Variants in HHAT observed in about 807,000 individuals in gnomAD.
HHAT encodes hedgehog acyltransferase, also known as protein-cysteine N-palmitoyltransferase HHAT.
A neutral mutation model predicts 70.8 loss-of-function variants in HHAT; 47 were observed. That is an observed-to-expected ratio of 0.66 (90% CI 0.53 to 0.85). The LOEUF (loss-of-function observed/expected upper bound fraction) is 0.85, where lower values mean the gene tolerates loss of function less well. Ranked by LOEUF, HHAT falls within the 40% of genes least tolerant of loss-of-function variation. HHAT has a pLI of 0.00. For synonymous variants in HHAT, 228 were observed against 247.6 expected (o/e 0.92, Z 0.74); for missense variants, 609 against 604.8 (o/e 1.01, Z -0.07).
Position 210,587,963 on chromosome 1 carries a change from T to C in HHAT, c.1109T>C (p.Met370Thr). 6.2e-7 allele frequency: 1 copy of C among 1,614,126 alleles called. No homozygotes were observed. Among genetic ancestry groups the C allele is most frequent in the Non-Finnish European group, 8.5e-7 (1 of 1,179,990 alleles). Residue 370 changes from methionine to threonine, a missense_variant, in exon 10 of 12, where the codon ATG (methionine) becomes ACG (threonine). Met to Thr is a moderately conservative substitution (Grantham distance 81, BLOSUM62 -1). Coordinates refer to ENST00000261458, the MANE Select transcript of HHAT (RefSeq NM_018194.6). ...CTGGGGACACTGTTTTCCACGGCGA[T>C]GACATTTGCATTTGTGAGCTACTGG... Reference protein sequence around the residue: ...GLLGTLFSTAMTFAFVSYWHG... With the variant: ...GLLGTLFSTATTFAFVSYWHG...
intron 11 of HHAT, among the ~76,000 whole-genome samples, chr1:210,640,078 G>A (rs1004359597): frequency 6.6e-6 from 1 of 152,166 alleles, no homozygotes; most frequent in Non-Finnish European, 1.5e-5. Context: ...TGCCTGGCTA[G>A]TGCTCATTTC....
chr1:210,585,963 G>A (rs754936592), intron 9 of HHAT, among the ~76,000 whole-genome samples: 2 of 152,110 alleles, frequency 1.3e-5, no homozygotes, highest in Non-Finnish European at 2.9e-5. Flanking sequence ...GTTCTAAACT[G>A]ACTTAGCAGG....
intron 7 of HHAT, among the ~76,000 whole-genome samples, chr1:210,456,756 T>A (rs537370615): frequency 8.5e-5 from 13 of 152,212 alleles, no homozygotes; most frequent in Non-Finnish European, 1.5e-4. Flanking sequence ...GAGGTTTAGG[T>A]TGAATTGAAA....
At chr1:210,496,010 C>CAAAAACA (rs2094632954) in intron 8 of HHAT, among the ~76,000 whole-genome samples, 1 of 67,960 alleles carries the variant, frequency 1.5e-5, no homozygotes, top group African/African-American at 6.8e-5. Context: ...AACTCTATCT[C>CAAAAACA]AAAAAAAAAA....
rs775498150 is a variant in HHAT, at chr1:210,396,244, G to A, written c.274-4224G>A. 1.1e-4 allele frequency among the ~76,000 whole-genome samples: 17 copies of A among 152,108 alleles called. No individual in the cohort carries two copies. The South Asian group carries it at 1.7e-3, about 15-fold the overall frequency. ...CTCCTATTAGAAATGGAAGAACCTG[G>A]AATAAAGACCATTGAGTGAGGGTCA... On this transcript the variant is annotated intron_variant, in intron 4 of 11. Transcript: ENST00000261458.
At chr1:210,345,436 T>A (rs1210952809) in intron 1 of HHAT, among the ~76,000 whole-genome samples, 2 of 152,264 alleles carry the variant, frequency 1.3e-5, no homozygotes, top group African/African-American at 4.8e-5. Context: ...GTGCTCCTTA[T>A]AATTTTTGCT....
At chr1:210,387,149 G>A (rs1342165644) in intron 3 of HHAT, among the ~76,000 whole-genome samples, 2 of 152,088 alleles carry the variant, frequency 1.3e-5, no homozygotes, top group African/African-American at 2.4e-5. Context: ...AATAATAATA[G>A]CATCTATACT....
intron 3 of HHAT, among the ~76,000 whole-genome samples, chr1:210,365,309 G>GTTTT (rs4027290): frequency 0.25 from 19,726 of 77,922 alleles, 4,753 homozygotes; most frequent in Admixed American, 0.32. Flanking sequence ...ACTGCTGACA[G>GTTTT]TTTTTTTTTT....
intron 1 of HHAT, among the ~76,000 whole-genome samples, chr1:210,334,221 C>G (rs1257356264): frequency 2.0e-5 from 2 of 100,540 alleles, no homozygotes; most frequent in Admixed American, 2.7e-4. Flanking sequence ...TCCTGTGTTT[C>G]CCAGGCTGGA....
intron 9 of HHAT, among the ~76,000 whole-genome samples, chr1:210,543,989 G>C (rs4845047): frequency 0.07 from 10,652 of 152,254 alleles, 696 homozygotes; most frequent in East Asian, 0.3. Context: ...TGACTTTTCT[G>C]TTCTCTGCCC....
intron 11 of HHAT, among the ~76,000 whole-genome samples, chr1:210,660,180 G>A (rs534880986): frequency 1.1e-4 from 16 of 152,272 alleles, no homozygotes; most frequent in Admixed American, 8.5e-4. Flanking sequence ...TGTCTCAGCC[G>A]AAAATCTCCT....
At chr1:210,423,758 G>C (rs1236529490) in intron 7 of HHAT, among the ~76,000 whole-genome samples, 4 of 152,042 alleles carry the variant, frequency 2.6e-5, no homozygotes. Flanking sequence ...TCTGCATATG[G>C]GTATCCAGTT....
chr1:210,435,022 CAATT>C (rs975141911), intron 7 of HHAT, among the ~76,000 whole-genome samples: 2 of 151,812 alleles, frequency 1.3e-5, no homozygotes, highest in African/African-American at 4.9e-5. Flanking sequence ...AACATACAAT[CAATT>C]AATGTTAACT....
At chr1:210,479,406 C>G (rs1021030746) in intron 8 of HHAT, among the ~76,000 whole-genome samples, 1 of 152,200 alleles carries the variant, frequency 6.6e-6, no homozygotes. Flanking sequence ...ATGACCATCA[C>G]TGAGTCTCCA....
chr1:210,533,796 G>GCC (rs1322807503), intron 9 of HHAT, among the ~76,000 whole-genome samples: 1 of 152,038 alleles, frequency 6.6e-6, no homozygotes, highest in Non-Finnish European at 1.5e-5. Context: ...TGATCTTCCT[G>GCC]GCTTTCTCTC....
At chr1:210,640,688 G>A (rs570146987) in intron 11 of HHAT, among the ~76,000 whole-genome samples, 4 of 136,420 alleles carry the variant, frequency 2.9e-5, no homozygotes, top group African/African-American at 8.3e-5. Flanking sequence ...CCCCACACAC[G>A]CACCCCTTTA....
At chr1:210,637,369 T>C (rs1414423715) in intron 11 of HHAT, among the ~76,000 whole-genome samples, 1 of 152,148 alleles carries the variant, frequency 6.6e-6, no homozygotes, top group Admixed American at 6.5e-5. Flanking sequence ...TTCTCAGATA[T>C]GACACCAAAG....
At chr1:210,446,489 T>C (rs1367670876) in intron 7 of HHAT, among the ~76,000 whole-genome samples, 1 of 152,198 alleles carries the variant, frequency 6.6e-6, no homozygotes, top group Non-Finnish European at 1.5e-5. Context: ...GCAGAATGTT[T>C]CTGCAGTTGT....
intron 7 of HHAT, among the ~76,000 whole-genome samples, chr1:210,444,327 C>T (rs545652514): frequency 3.5e-4 from 48 of 135,622 alleles, no homozygotes; most frequent in African/African-American, 1.3e-3. Flanking sequence ...TGTGTCTCTG[C>T]CTCGCTTTGG....
Sources: allele counts gnomAD v4.1 joint callset (sites outside exome capture counted in the v4.1 genomes callset), GRCh38; gene constraint gnomAD v4.1.1; transcripts MANE v1.5; gene names NCBI Gene and HGNC (gene_info 2026-07-23, HGNC 2026-07-21).